The following RBFOX1 variants were observed in gnomAD, a reference collection of about 807,000 sequenced individuals.
RBFOX1 encodes RNA binding protein fox-1 homolog 1.
In RBFOX1, 8 loss-of-function variants were observed where a neutral mutation model predicts 57.7. The observed-to-expected ratio is 0.14, with a 90% CI of 0.08 to 0.25. RBFOX1 has a LOEUF of 0.25. RBFOX1 is among the 10% of genes least tolerant of loss of function. The pLI is 1.00. For synonymous variants in RBFOX1, 326 were observed against 222.4 expected (o/e 1.47, Z -4.15); for missense variants, 611 against 548.5 (o/e 1.11, Z -1.14).
chr16:5,882,608 A>C (rs2057789501), intron 4 of RBFOX1, among the ~76,000 whole-genome samples: 1 of 152,164 alleles, frequency 6.6e-6, no homozygotes, highest in African/African-American at 2.4e-5. Context: ...AGCAAGAGTG[A>C]AACTAGGGGT....
intron 3 of RBFOX1, among the ~76,000 whole-genome samples, chr16:6,987,541 A>G (rs2090572338): frequency 6.6e-6 from 1 of 151,858 alleles, no homozygotes; most frequent in Non-Finnish European, 1.5e-5. Context: ...ATAATCATAT[A>G]CACGGGCACA....
chr16:7,094,408 T>C (rs972651264), intron 4 of RBFOX1, among the ~76,000 whole-genome samples: 5 of 151,842 alleles, frequency 3.3e-5, no homozygotes, highest in African/African-American at 1.2e-4. Flanking sequence ...AAAAAAAACA[T>C]GGGAAGGAAA....
chr16:6,689,859 G>C (rs1311783929), intron 3 of RBFOX1, among the ~76,000 whole-genome samples: 3 of 152,182 alleles, frequency 2.0e-5, no homozygotes, highest in Non-Finnish European at 4.4e-5. Flanking sequence ...AAAGACATTT[G>C]TCTCTGAATG....
At chr16:7,262,454 A>G (rs185507074) in intron 4 of RBFOX1, among the ~76,000 whole-genome samples, 180 of 152,344 alleles carry the variant, frequency 1.2e-3, no homozygotes, top group Non-Finnish European at 2.3e-3. Flanking sequence ...AACTGGATAT[A>G]TGTCTATAGA....
chr16:6,571,113 G>A (rs1413570531), intron 2 of RBFOX1, among the ~76,000 whole-genome samples: 1 of 152,180 alleles, frequency 6.6e-6, no homozygotes, highest in African/African-American at 2.4e-5. Context: ...TGGGTCCTCA[G>A]GGAGAATATC....
At chr16:7,669,534 C>T (rs1288767047) in intron 13 of RBFOX1, among the ~76,000 whole-genome samples, 1 of 152,166 alleles carries the variant, frequency 6.6e-6, no homozygotes, top group Non-Finnish European at 1.5e-5. Flanking sequence ...AGCGTCCTAA[C>T]ATTAGACGCA....
chr16:6,833,715 C>T (rs1011128885), intron 3 of RBFOX1, among the ~76,000 whole-genome samples: 1 of 152,078 alleles, frequency 6.6e-6, no homozygotes, highest in South Asian at 2.1e-4. Flanking sequence ...GAGAAAGACT[C>T]TAGATGCTAT....
At chr16:6,523,749 A>G (rs1385687730) in intron 2 of RBFOX1, among the ~76,000 whole-genome samples, 3 of 152,222 alleles carry the variant, frequency 2.0e-5, no homozygotes, top group African/African-American at 4.8e-5. Context: ...CCATTGGTTG[A>G]CTATAAAAAA....
intron 3 of RBFOX1, among the ~76,000 whole-genome samples, chr16:6,921,194 A>C (rs1055181901): frequency 2.0e-5 from 3 of 152,184 alleles, no homozygotes; most frequent in African/African-American, 7.2e-5. Context: ...TGAGTTTTCT[A>C]TTCTGTGTTA....
chr16:7,643,135 A>G (rs28478226), intron 11 of RBFOX1, among the ~76,000 whole-genome samples: 11,811 of 152,266 alleles, frequency 0.078, 592 homozygotes, highest in South Asian at 0.16. Flanking sequence ...AGTTACCACC[A>G]ATTCTACTGC....
At chr16:7,618,700 C>G (rs192236414) in intron 10 of RBFOX1, among the ~76,000 whole-genome samples, 7 of 152,206 alleles carry the variant, frequency 4.6e-5, no homozygotes, top group Non-Finnish European at 1.0e-4. Flanking sequence ...GTGTTTAATA[C>G]CCTTTCTGTT....
intron 3 of RBFOX1, among the ~76,000 whole-genome samples, chr16:5,678,086 T>C (rs1343859532): frequency 6.6e-6 from 1 of 152,186 alleles, no homozygotes; most frequent in East Asian, 1.9e-4. Context: ...GTCAGGAATA[T>C]TAAAAATACC....
At chr16:7,594,738 T>C (rs1055734049) in intron 7 of RBFOX1, among the ~76,000 whole-genome samples, 1 of 152,230 alleles carries the variant, frequency 6.6e-6, no homozygotes, top group African/African-American at 2.4e-5. Flanking sequence ...AAATAAATAT[T>C]GACCTAATGC....
intron 4 of RBFOX1, among the ~76,000 whole-genome samples, chr16:5,940,592 CA>C (rs1169724485): frequency 6.6e-6 from 1 of 152,200 alleles, no homozygotes; most frequent in African/African-American, 2.4e-5. Flanking sequence ...AAATTTCAAT[CA>C]GGGCTCTCAG....
chr16:7,687,102 G>T (rs570510783), intron 14 of RBFOX1, among the ~76,000 whole-genome samples: 2 of 152,034 alleles, frequency 1.3e-5, no homozygotes, highest in African/African-American at 4.8e-5. Context: ...TAGGACCTTT[G>T]AGAGCTTTCT....
intron 2 of RBFOX1, among the ~76,000 whole-genome samples, chr16:6,552,432 A>G (rs1478698071): frequency 6.6e-6 from 1 of 152,190 alleles, no homozygotes; most frequent in Non-Finnish European, 1.5e-5. Flanking sequence ...GTAAAATGGA[A>G]TAATAATGCC....
chr16:6,868,164 T>C (rs2060258427), intron 3 of RBFOX1, among the ~76,000 whole-genome samples: 1 of 152,170 alleles, frequency 6.6e-6, no homozygotes, highest in East Asian at 1.9e-4. Flanking sequence ...ATTCCTATAT[T>C]TTTTTTCATT....
chr16:7,157,613 A>T (rs1036376310), intron 4 of RBFOX1, among the ~76,000 whole-genome samples: 1 of 152,210 alleles, frequency 6.6e-6, no homozygotes, highest in East Asian at 1.9e-4. Context: ...CTGAATTTCA[A>T]ATATCATTGG....
chr16:7,183,430 G>A (rs1005509457), intron 4 of RBFOX1, among the ~76,000 whole-genome samples: 16 of 152,316 alleles, frequency 1.1e-4, no homozygotes, highest in East Asian at 1.9e-4. Flanking sequence ...TATCCTGAAC[G>A]AAAGTGTTTT....
Sources: allele counts gnomAD v4.1 joint callset (sites outside exome capture counted in the v4.1 genomes callset), GRCh38; gene constraint gnomAD v4.1.1; transcripts MANE v1.5; gene names NCBI Gene and HGNC (gene_info 2026-07-23, HGNC 2026-07-21).